Variants in ERICH3 observed in about 807,000 individuals in gnomAD.
ERICH3 encodes glutamate-rich protein 3.
A neutral mutation model predicts 131.1 loss-of-function variants in ERICH3; 126 were observed. The ratio of observed to expected loss-of-function variants is 0.96; its 90% CI spans 0.83 to 1.11. ERICH3 has a LOEUF of 1.11. ERICH3 is among the 50% of genes most tolerant of loss of function. ERICH3 has a pLI of 0.00. For missense variants in ERICH3, 2,050 were observed against 1,810.7 expected, an observed-to-expected ratio of 1.13 and a Z score of -2.40; for synonymous variants, 695 against 644.6, an observed-to-expected ratio of 1.08 and a Z score of -1.18.
chr1:74,581,642 T>C (rs1647185114), intron 12 of ERICH3, among the ~76,000 whole-genome samples: 1 of 152,206 alleles, frequency 6.6e-6, no homozygotes, highest in African/African-American at 2.4e-5. Context: ...TCTGTGCTGC[T>C]ATAAAAAAGG....
chr1:74,582,096 C>T (rs1034319267), intron 12 of ERICH3, among the ~76,000 whole-genome samples: 15 of 152,136 alleles, frequency 9.9e-5, no homozygotes, highest in African/African-American at 3.6e-4. Flanking sequence ...ACCAGTGTAG[C>T]TGACTTTTTG....
At chr1:74,650,588 G>A (rs1053503625) in intron 1 of ERICH3, among the ~76,000 whole-genome samples, 11 of 151,982 alleles carry the variant, frequency 7.2e-5, no homozygotes, top group African/African-American at 1.5e-4. Flanking sequence ...TATCCAATAC[G>A]GCTGGTAAGT....
At position 74,572,508 on chromosome 1, in the gene ERICH3, T is replaced by C. The variant is rs1407023002; in HGVS notation, c.3202A>G (p.Thr1068Ala). The C allele has an allele frequency of 6.2e-7, 1 of 1,614,010 alleles. No homozygotes were observed. The highest frequency in any genetic ancestry group is 8.5e-7 in the Non-Finnish European group (1 of 1,180,008). The part of the protein sequence containing the change: ...RERRKAERPK[T>A]SLRKTDSERE... ...TCAGAGTCAGTTTTCCTCAGAGATG[T>C]TTTTGGCCTCTCAGCTTTCCTTCGC... The change falls in exon 14 of 15, where the codon ACA becomes GCA. Residue 1068 changes from threonine to alanine, a missense_variant. Coordinates refer to ENST00000326665, the MANE Select transcript of ERICH3 (RefSeq NM_001002912.5).
intron 12 of ERICH3, among the ~76,000 whole-genome samples, chr1:74,584,354 C>T (rs892516583): frequency 6.6e-6 from 1 of 152,182 alleles, no homozygotes; most frequent in African/African-American, 2.4e-5. Flanking sequence ...TTTCCTAACT[C>T]AGAATAAATT....
intron 12 of ERICH3, among the ~76,000 whole-genome samples, chr1:74,584,782 C>G (rs1647256966): frequency 6.6e-6 from 1 of 152,136 alleles, no homozygotes; most frequent in African/African-American, 2.4e-5. Context: ...ACATTGAGAA[C>G]AGTGTGTGGC....
At chr1:74,669,460 T>C (rs559605441) in intron 1 of ERICH3, among the ~76,000 whole-genome samples, 2 of 152,298 alleles carry the variant, frequency 1.3e-5, no homozygotes, top group South Asian at 4.1e-4. Flanking sequence ...TTTATCCTCA[T>C]GCATGACTGA....
chr1:74,664,322 A>C (rs528258570), intron 1 of ERICH3, among the ~76,000 whole-genome samples: 18 of 152,006 alleles, frequency 1.2e-4, no homozygotes, highest in African/African-American at 1.9e-4. Context: ...AAAAAAAAAA[A>C]AACTTGTATC....
chr1:74,580,026 A>G (rs911890270), intron 12 of ERICH3: 3 of 414,746 alleles, frequency 7.2e-6, no homozygotes, highest in African/African-American at 4.3e-5. Context: ...TATATTTTAA[A>G]TAATATGTAT....
intron 1 of ERICH3, among the ~76,000 whole-genome samples, chr1:74,651,252 G>T (rs1232199973): frequency 6.6e-6 from 1 of 152,026 alleles, no homozygotes; most frequent in Middle Eastern, 3.2e-3. Flanking sequence ...AAAGTTCCAT[G>T]CTGCCAAACA....
chr1:74,626,773 A>G (rs547930721), intron 7 of ERICH3, among the ~76,000 whole-genome samples: 157 of 152,272 alleles, frequency 1.0e-3, no homozygotes, highest in African/African-American at 3.4e-3. Flanking sequence ...TGCTAGAACA[A>G]AACAGGACAA....
At chr1:74,646,858 A>G in intron 2 of ERICH3, 66 bp from the exon 3 acceptor site, 2 of 804,186 alleles carry the variant, frequency 2.5e-6, no homozygotes, top group Non-Finnish European at 3.6e-6. Flanking sequence ...GTTTCCAAAA[A>G]AGGGAGGCTG....
chr1:74,571,875 G>C lies in ERICH3; in HGVS notation c.3835C>G (p.Pro1279Ala). 6.2e-7 allele frequency: 1 copy of C among 1,611,806 alleles called. No homozygotes were observed. The highest frequency in any genetic ancestry group is 8.5e-7 in the Non-Finnish European group (1 of 1,180,008). The change falls in exon 14 of 15, where the codon CCC becomes GCC. Residue 1279 changes from proline to alanine, a missense_variant. Coordinates refer to ENST00000326665, the MANE Select transcript of ERICH3 (RefSeq NM_001002912.5). ...RTQEAVAEED[P>A]IMAEKFREEA... The stretch of plus-strand genomic sequence containing the variant: ...TCCCTGAACTTTTCTGCCATTATGG[G>C]ATCTTCCTCAGCAACAGCTTCCTGG...
chr1:74,581,352 T>C (rs1444288099), intron 12 of ERICH3, among the ~76,000 whole-genome samples: 2 of 152,186 alleles, frequency 1.3e-5, no homozygotes, highest in Non-Finnish European at 2.9e-5. Flanking sequence ...TGAGTATTTC[T>C]CCATTGCGGT....
At chr1:74,586,154 C>T (rs746901503) in intron 12 of ERICH3, among the ~76,000 whole-genome samples, 4 of 151,760 alleles carry the variant, frequency 2.6e-5, no homozygotes, top group African/African-American at 9.7e-5. Flanking sequence ...TTAAAGAAAA[C>T]GTGCAGTTAT....
In ERICH3 at chr1:74,571,467, C is replaced by T. The variant is rs1169013623; in HGVS notation, c.4243G>A (p.Val1415Met). ...VEELARSGEE[V>M]PAAEEMTVTY... ...ACTGTCATCTCCTCTGCTGCTGGCACTTCCTCCCCACTCCGTGCTAATTCC... is the reference window on the plus strand; with the variant it reads ...ACTGTCATCTCCTCTGCTGCTGGCATTTCCTCCCCACTCCGTGCTAATTCC... Residue 1415 changes from valine (V) to methionine (M), a missense_variant, in exon 14 of 15, where the codon GTG becomes ATG. Coordinates refer to ENST00000326665, the MANE Select transcript of ERICH3 (RefSeq NM_001002912.5). 5 of 1,614,020 alleles carry T rather than the reference C, an allele frequency of 3.1e-6. No individual in the cohort carries two copies. Among genetic ancestry groups the T allele is most frequent in the Non-Finnish European group, 4.2e-6 (5 of 1,180,030 alleles).
In ERICH3 at chr1:74,572,154, T is replaced by C. The variant is rs755897832; in HGVS notation, c.3556A>G (p.Arg1186Gly). Residue 1186 changes from arginine to glycine, a missense_variant, in exon 14 of 15, where the codon AGA (arginine) becomes GGA (glycine). Coordinates refer to ENST00000326665, the MANE Select transcript of ERICH3 (RefSeq NM_001002912.5). ...TCTCTGTCTTTGTGCTCTGTGTCTCTGGCTTCACTCAGTCTTTCCCCTCCT... is the reference window on the plus strand; with the variant it reads ...TCTCTGTCTTTGTGCTCTGTGTCTCCGGCTTCACTCAGTCTTTCCCCTCCT... ...EGGGERLSEA[R>G]DTEHKDREEL... 1.2e-6 allele frequency: 2 copies of C among 1,613,862 alleles called. No homozygotes were observed. Among genetic ancestry groups the C allele is most frequent in the East Asian group, 2.2e-5 (1 of 44,806 alleles).
In ERICH3 at chr1:74,572,215, C is replaced by G; in HGVS notation, c.3495G>C (p.Lys1165Asn). 1 of 1,614,190 alleles carries G rather than the reference C, an allele frequency of 6.2e-7. No individual in the cohort carries two copies. Among genetic ancestry groups the G allele is most frequent in the Admixed American group, 1.7e-5 (1 of 60,024 alleles). Residue 1165 changes from lysine to asparagine, a missense_variant, in exon 14 of 15, where the codon AAG (lysine) becomes AAC (asparagine). By Grantham distance (94) the Lys-to-Asn change is moderately conservative. Coordinates refer to ENST00000326665, the MANE Select transcript of ERICH3 (RefSeq NM_001002912.5). ...PIFEATPGFE[K>N]SLENITALRK... Reference sequence around the variant, plus strand: ...TCAGAGCTGTTATGTTTTCCAGCGACTTTTCAAATCCAGGCGTTGCTTCAA... The same window carrying G: ...TCAGAGCTGTTATGTTTTCCAGCGAGTTTTCAAATCCAGGCGTTGCTTCAA...
At chr1:74,579,753 T>A in intron 12 of ERICH3, 1 of 985,402 alleles carries the variant, frequency 1.0e-6, no homozygotes, top group Non-Finnish European at 1.2e-6. Context: ...ATGTGACATA[T>A]CACTTTGTTG....
chr1:74,627,530 G>A (rs147008607), intron 7 of ERICH3, among the ~76,000 whole-genome samples: 15 of 152,046 alleles, frequency 9.9e-5, no homozygotes, highest in African/African-American at 3.1e-4. Context: ...TAATAGAACA[G>A]AGATTCTCAG....
Sources: gnomAD v4.1 joint callset for allele counts (sites outside exome capture counted in the v4.1 genomes callset) on GRCh38, gnomAD v4.1.1 for gene constraint, MANE v1.5 for transcripts, NCBI Gene and HGNC (gene_info 2026-07-23, HGNC 2026-07-21) for gene names.